Variants in PATZ1 observed in about 807,000 individuals in gnomAD.
PATZ1 encodes the protein POZ/BTB and AT hook containing zinc finger 1, also known as POZ-, AT hook-, and zinc finger-containing protein 1.
In PATZ1, 9 loss-of-function variants were observed where a neutral mutation model predicts 46.2. The ratio of observed to expected loss-of-function variants is 0.19; its 90% confidence interval spans 0.12 to 0.34. The LOEUF (loss-of-function observed/expected upper bound fraction) is 0.34, where lower values mean the gene tolerates loss of function less well. Among genes scored for constraint, PATZ1 ranks in the 10% least tolerant of loss-of-function variants. PATZ1 has a pLI of 1.00. For missense variants in PATZ1, 632 were observed against 923.0 expected, an observed-to-expected ratio of 0.68 and a Z score of 4.08; for synonymous variants, 426 against 378.6, an observed-to-expected ratio of 1.13 and a Z score of -1.45.
chr22:31,342,809 CCGG>C, intron 2 of PATZ1, 85 bp downstream of exon 2: 1 of 1,467,528 alleles, frequency 6.8e-7, no homozygotes, highest in Non-Finnish European at 9.4e-7. Flanking sequence ...AGCCGGGCCC[CCGG>C]CACACGCAGC....
Position 31,334,508 on chromosome 22 carries a change from C to T in PATZ1, c.1507+1184G>A, listed in dbSNP as rs536608812. ...ACATGAACACAGCACAGGCACCCAA[C>T]GATTCCGCCAAGGCCTGCAGGAGTG... On this transcript the variant is annotated intron_variant, in intron 3 of 4. Coordinates refer to ENST00000266269, the MANE Select transcript of PATZ1 (RefSeq NM_014323.3). Among the ~76,000 whole-genome samples, 6 of 152,282 alleles carry T rather than the reference C, an allele frequency of 3.9e-5. No individual in the cohort carries two copies. In the East Asian group the frequency reaches 9.7e-4, roughly 25 times the overall value.
intron 2 of PATZ1, chr22:31,340,850 C>A (rs900359262): frequency 4.7e-6 from 5 of 1,062,222 alleles, no homozygotes; most frequent in Non-Finnish European, 5.7e-6. Context: ...GGTTCCTGAG[C>A]AGACCTGCTA....
intron 3 of PATZ1, 77 bp from the exon 4 acceptor site, chr22:31,329,001 G>T: frequency 6.9e-7 from 1 of 1,459,786 alleles, no homozygotes. Context: ...CCTCTCCTCT[G>T]GCCGCTCTGG....
intron 3 of PATZ1, among the ~76,000 whole-genome samples, chr22:31,333,329 C>T (rs1228183632): frequency 6.6e-6 from 1 of 152,206 alleles, no homozygotes; most frequent in Non-Finnish European, 1.5e-5. Flanking sequence ...TGAACACATG[C>T]AGAGATAAGA....
At chr22:31,330,763 A>G (rs1288035752) in intron 3 of PATZ1, among the ~76,000 whole-genome samples, 1 of 152,236 alleles carries the variant, frequency 6.6e-6, no homozygotes, top group Non-Finnish European at 1.5e-5. Flanking sequence ...AAATGGGTTA[A>G]TTGGTTCCTG....
chr22:31,346,252 C>T lies in PATZ1; in HGVS notation c.-650G>A, dbSNP rs935487045. On this transcript the variant is annotated 5_prime_UTR_variant, in exon 1 of 5. Coordinates refer to ENST00000266269, the MANE Select transcript of PATZ1 (RefSeq NM_014323.3). ...TGGAGCGGGCGGGCGGCGGCGGCGG[C>T]AGAGTAGGCCCTTCCTCAGGCCGGG... 38 of 155,354 alleles carry T rather than the reference C, an allele frequency of 2.4e-4. No homozygotes were observed. The highest frequency in any genetic ancestry group is 2.3e-3 in the East Asian group (12 of 5,320). 9.6% of individuals were successfully genotyped at this position (155,354 alleles called of 1,614,324 possible).
intron 3 of PATZ1, among the ~76,000 whole-genome samples, chr22:31,334,748 G>A (rs1253400319): frequency 6.6e-6 from 1 of 152,122 alleles, no homozygotes; most frequent in Non-Finnish European, 1.5e-5. Context: ...GAGAACTCGA[G>A]GCCACCTAGT....
Position 31,342,927 on chromosome 22 carries a change from C to T in PATZ1, c.1305G>A (p.Val435=). The change falls in exon 2 of 5, where the codon GTG becomes GTA. Residue 435 remains valine (V), a synonymous_variant. Transcript: ENST00000266269. ...PDHLNGHIKQ[V]HTSERPHKCQ... ...ACTTGTGAGGCCGCTCAGAAGTGTG[C>T]ACCTGCTTGATATGTCCGTTCAAGT... The T allele has an allele frequency of 6.2e-7, 1 of 1,614,040 alleles. No individual in the cohort carries two copies. The highest frequency in any genetic ancestry group is 8.5e-7 in the Non-Finnish European group (1 of 1,179,942).
intron 3 of PATZ1, among the ~76,000 whole-genome samples, chr22:31,330,295 TAAAG>T (rs10567475): frequency 0.4 from 61,065 of 151,662 alleles, 13,512 homozygotes; most frequent in Middle Eastern, 0.57. Context: ...ATTTTACAGA[TAAAG>T]AAATAAGAGG....
intron 2 of PATZ1, chr22:31,337,521 G>T (rs942355833): frequency 2.0e-5 from 3 of 152,204 alleles, no homozygotes; most frequent in Middle Eastern, 3.2e-3. Context: ...AGGCATTCCA[G>T]CTGTGGGGGT....
intron 3 of PATZ1, chr22:31,335,215 A>G (rs1392080497): frequency 6.4e-6 from 1 of 155,044 alleles, no homozygotes; most frequent in Admixed American, 6.4e-5. Context: ...CTTGTGCTAC[A>G]AAGTGTCTGC....
At position 31,344,542 on chromosome 22, in the gene PATZ1, T is replaced by C; in HGVS notation, c.1061A>G (p.Gln354Arg). The C allele has an allele frequency of 1.2e-6, 2 of 1,614,202 alleles. No individual in the cohort carries two copies. Among genetic ancestry groups the C allele is most frequent in the Non-Finnish European group, 1.7e-6 (2 of 1,180,012 alleles). The change falls in exon 1 of 5, where the codon CAG becomes CGG. Residue 354 changes from glutamine (Q) to arginine (R), a missense_variant. Transcript: ENST00000266269. ...CTTGCCGCAGATCTCACAAGCCACC[T>C]GCTTCCTGGTCCGGCTCCTCTTTCG... is the stretch of plus-strand genomic sequence containing the variant. ...GPRKRSRTRK[Q>R]VACEICGKIF...
chr22:31,344,748 G>A lies in PATZ1; in HGVS notation c.855C>T (p.Gly285=), dbSNP rs2049627086. 4 of 1,609,552 alleles carry A rather than the reference G, an allele frequency of 2.5e-6. No homozygotes were observed. The highest frequency in any genetic ancestry group is 3.4e-6 in the Non-Finnish European group (4 of 1,177,380). The change falls in exon 1 of 5, where the codon GGC becomes GGT. Residue 285 remains glycine, a synonymous_variant. Transcript: ENST00000266269. ...ATGGAAGGATGCCTGCCTCCCTCAG[G>A]CCCCCTGGGGACCCAAACATTGAGT... ...LLDSMFGSPG[G]LREAGILPCG...
At chr22:31,342,484 G>A (rs1427358493) in intron 2 of PATZ1, among the ~76,000 whole-genome samples, 1 of 152,000 alleles carries the variant, frequency 6.6e-6, no homozygotes, top group Non-Finnish European at 1.5e-5. Context: ...GTGGTTGGCT[G>A]GACCACCAGG....
chr22:31,345,791 G>A lies in PATZ1; in HGVS notation c.-189C>T. On this transcript the variant is annotated 5_prime_UTR_variant, in exon 1 of 5. Coordinates refer to ENST00000266269, the MANE Select transcript of PATZ1 (RefSeq NM_014323.3). The surrounding 1 kb of genome is among the most constrained non-coding windows in gnomAD (Gnocchi z 7.4). ...CGGATCAGACTGTCTAGACTGCGGG[G>A]TGCACCACCCCCCACATAGCCAACC... The A allele has an allele frequency of 5.5e-6, 3 of 542,990 alleles. No homozygotes were observed. Among genetic ancestry groups the A allele is most frequent in the Non-Finnish European group, 9.3e-6 (3 of 321,334 alleles). The allele number at this position is 542,990 out of a possible 1,614,324, so 33.6% of individuals were successfully genotyped here. A position where few individuals can be genotyped will look rare whatever the true frequency, so the allele number is the denominator to read the frequency against.
intron 3 of PATZ1, among the ~76,000 whole-genome samples, chr22:31,333,086 T>C (rs1282510604): frequency 1.3e-5 from 2 of 152,240 alleles, no homozygotes; most frequent in Non-Finnish European, 2.9e-5. Flanking sequence ...GCCAGAGTCA[T>C]CTGTCTCTTC....
intron 2 of PATZ1, chr22:31,341,147 CA>C (rs759541647): frequency 9.2e-6 from 11 of 1,194,378 alleles, no homozygotes; most frequent in East Asian, 3.6e-5. Context: ...GACAGATGCC[CA>C]GGGGTGCCAT....
chr22:31,344,823 G>A lies in PATZ1; in HGVS notation c.780C>T (p.Pro260=), dbSNP rs919430534. The part of the protein sequence containing the change: ...PFPSVASSAP[P]LTGKRGRGRP... ...GGCCCCGGCCTCGCTTGCCAGTCAGGGGAGGGGCACTGGATGCCACACTGG... is the reference window on the plus strand; with the variant it reads ...GGCCCCGGCCTCGCTTGCCAGTCAGAGGAGGGGCACTGGATGCCACACTGG... The change falls in exon 1 of 5, where the codon CCC becomes CCT. Residue 260 remains proline, a synonymous_variant. Transcript: ENST00000266269. 1.9e-6 allele frequency: 3 copies of A among 1,611,302 alleles called. No individual in the cohort carries two copies. The highest frequency in any genetic ancestry group is 1.7e-5 in the Admixed American group (1 of 59,950).
intron 2 of PATZ1, among the ~76,000 whole-genome samples, chr22:31,340,339 G>A (rs199715006): frequency 7.2e-5 from 11 of 152,294 alleles, no homozygotes; most frequent in East Asian, 5.8e-4. Flanking sequence ...TGAGCGATAC[G>A]GACTGTGCCT....
Sources: allele counts gnomAD v4.1 joint callset (sites outside exome capture counted in the v4.1 genomes callset), GRCh38; gene constraint gnomAD v4.1.1; non-coding constraint Gnocchi (gnomAD v3.1); transcripts MANE v1.5; gene names NCBI Gene and HGNC (gene_info 2026-07-23, HGNC 2026-07-21).